Variants in TMEM132B observed in about 807,000 individuals in gnomAD.
TMEM132B encodes transmembrane protein 132B.
A neutral mutation model predicts 90.8 loss-of-function variants in TMEM132B; 18 were observed. The ratio of observed to expected loss-of-function variants is 0.20; its 90% CI spans 0.14 to 0.29. The LOEUF is 0.29. Ranked by LOEUF, TMEM132B falls within the 10% of genes least tolerant of loss-of-function variation. The pLI is 1.00. For synonymous variants in TMEM132B, 504 were observed against 523.3 expected, an observed-to-expected ratio of 0.96 and a Z score of 0.50; for missense variants, 1,096 against 1,326.8, an observed-to-expected ratio of 0.83 and a Z score of 2.70.
In TMEM132B at chr12:125,186,650, G is replaced by C. The variant is rs1356439251; in HGVS notation, c.-150G>C. ...CAGCCGAGGAAGCGCCGCCAGCGCC[G>C]GCGCATGCGTCTGGGGAGGAGCGGC... On this transcript the variant is annotated 5_prime_UTR_variant, in exon 1 of 9. Coordinates refer to ENST00000682704, the MANE Select transcript of TMEM132B (RefSeq NM_001366854.1). The surrounding 1 kb of genome is among the most constrained non-coding windows in gnomAD (Gnocchi z 6.3). Among the ~76,000 whole-genome samples, 15 of 146,710 alleles carry C rather than the reference G, an allele frequency of 1.0e-4. No individual in the cohort carries two copies. Among genetic ancestry groups the C allele is most frequent in the Admixed American group, 9.5e-4 (14 of 14,768 alleles).
intron 4 of TMEM132B, 86 bp downstream of exon 4, chr12:125,519,711 T>C (rs570726896): frequency 2.2e-6 from 3 of 1,346,550 alleles, no homozygotes; most frequent in South Asian, 2.5e-5. Flanking sequence ...ATTTTCCACA[T>C]ACCTGATACA....
Position 125,501,610 on chromosome 12 carries a change from G to T in TMEM132B, c.1107-17829G>T, listed in dbSNP as rs142886056. The stretch of plus-strand genomic sequence containing the variant: ...TGTTCTCATTGTTCAGCTCCCACTT[G>T]TAAGTGAGAACAGGACATCTCATAT... On this transcript the variant is annotated intron_variant, in intron 3 of 8. Transcript: ENST00000682704. Among the ~76,000 whole-genome samples, 98 of 152,012 alleles carry T rather than the reference G, an allele frequency of 6.4e-4. No individual in the cohort carries two copies. In the East Asian group the frequency reaches 0.013, roughly 21 times the overall value.
intron 4 of TMEM132B, among the ~76,000 whole-genome samples, chr12:125,521,990 C>T (rs1036627485): frequency 3.0e-4 from 45 of 152,162 alleles, no homozygotes; most frequent in African/African-American, 1.0e-3. Flanking sequence ...CATGATGTGA[C>T]TCCTGTGAAC....
chr12:125,425,478 T>G (rs1317111631), intron 3 of TMEM132B, among the ~76,000 whole-genome samples: 1 of 152,182 alleles, frequency 6.6e-6, no homozygotes, highest in Non-Finnish European at 1.5e-5. Context: ...AAGTCCACAC[T>G]ACATATTGGG....
At chr12:125,474,280 C>T (rs1187370583) in intron 3 of TMEM132B, among the ~76,000 whole-genome samples, 1 of 142,104 alleles carries the variant, frequency 7.0e-6, no homozygotes, top group East Asian at 2.0e-4. Flanking sequence ...CCCTCCCCTC[C>T]CCTCCCCTTC....
At chr12:125,521,129 C>T (rs116427582) in intron 4 of TMEM132B, among the ~76,000 whole-genome samples, 2,429 of 152,308 alleles carry the variant, frequency 0.016, 67 homozygotes, top group African/African-American at 0.056. Flanking sequence ...GTCCTTACCA[C>T]TTTGCTCTAT....
rs1317006095 is a variant in TMEM132B at position 125,613,135 on chromosome 12, TTATA to T, written c.1437+29146_1437+29149del. 1.8e-5 allele frequency among the ~76,000 whole-genome samples: 2 copies of T among 113,426 alleles called. 1 individual carries two copies. The highest frequency in any genetic ancestry group is 3.3e-5 in the Non-Finnish European group (2 of 60,024). The allele number at this position is 113,426 out of a possible 152,430, so 74.4% of individuals were successfully genotyped here. A position where few individuals can be genotyped will look rare whatever the true frequency, so the allele number is the denominator to read the frequency against. On this transcript the variant is annotated intron_variant, in intron 5 of 8. Transcript: ENST00000682704. ...AATATATATCATATATATTTATATATTATATATAAATATATATCATATATATTTA... is the reference window on the plus strand; with the variant it reads ...AATATATATCATATATATTTATATATTATAAATATATATCATATATATTTA...
At chr12:125,601,094 A>T (rs1032880325) in intron 5 of TMEM132B, among the ~76,000 whole-genome samples, 7 of 152,172 alleles carry the variant, frequency 4.6e-5, no homozygotes, top group Non-Finnish European at 1.0e-4. Flanking sequence ...CAGGACTTGA[A>T]CTCAGCTCTG....
rs1353487111 is a variant in TMEM132B at position 125,298,789 on chromosome 12, C to T, written c.68-50663C>T. On this transcript the variant is annotated intron_variant, in intron 1 of 8. Coordinates refer to ENST00000682704, the MANE Select transcript of TMEM132B (RefSeq NM_001366854.1). ...CTCTCTGTCACCCAGGCTGGAGTGC[C>T]GTGGCGCGATCTCGGCTCACTGCAA... Among the ~76,000 whole-genome samples, 10 of 149,608 alleles carry T rather than the reference C, an allele frequency of 6.7e-5. No homozygotes were observed. In the South Asian group the frequency reaches 1.3e-3, roughly 19 times the overall value.
At position 125,267,511 on chromosome 12, in the gene TMEM132B, A is replaced by G. The variant is rs533694629; in HGVS notation, c.67+80645A>G. Among the ~76,000 whole-genome samples, 100 of 152,296 alleles carry G rather than the reference A, an allele frequency of 6.6e-4. 1 individual carries two copies. Among genetic ancestry groups the G allele is most frequent in the African/African-American group, 2.3e-3 (96 of 41,568 alleles). On this transcript the variant is annotated intron_variant, in intron 1 of 8. Coordinates refer to ENST00000682704, the MANE Select transcript of TMEM132B (RefSeq NM_001366854.1). ...GAAGAAGGGGAGAAAGGAAACTAGA[A>G]TTAGCCATTTTCTGTCACATCCTCT...
chr12:125,187,203 C>G (rs1032803926), intron 1 of TMEM132B, among the ~76,000 whole-genome samples: 1 of 152,214 alleles, frequency 6.6e-6, no homozygotes, highest in African/African-American at 2.4e-5. Context: ...CCAAATCCCC[C>G]CCAGGTCCCA....
intron 1 of TMEM132B, among the ~76,000 whole-genome samples, chr12:125,203,596 G>A (rs1377563548): frequency 6.6e-6 from 1 of 152,110 alleles, no homozygotes; most frequent in African/African-American, 2.4e-5. Flanking sequence ...TTTTTCTAGA[G>A]TTAGTAGAAT....
At chr12:125,250,478 C>T (rs1325116756) in intron 1 of TMEM132B, among the ~76,000 whole-genome samples, 1 of 152,186 alleles carries the variant, frequency 6.6e-6, no homozygotes, top group South Asian at 2.1e-4. Context: ...TCACCCTCAT[C>T]GTGTCCCCTT....
chr12:125,586,219 T>C (rs1242711541), intron 5 of TMEM132B: 2 of 152,208 alleles, frequency 1.3e-5, no homozygotes, highest in Admixed American at 1.3e-4. Context: ...CCAAAGATCT[T>C]TGTGCCTTGG....
intron 1 of TMEM132B, among the ~76,000 whole-genome samples, chr12:125,345,924 G>A (rs1877346908): frequency 6.6e-6 from 1 of 152,184 alleles, no homozygotes; most frequent in Non-Finnish European, 1.5e-5. Flanking sequence ...TGACATTTTG[G>A]GATTAAAGGG....
At position 125,616,734 on chromosome 12, in the gene TMEM132B, C is replaced by A. The variant is rs150037147; in HGVS notation, c.1438-27342C>A. ...TTATGAACTTAATTTTGTGTTCCCCCACCCAATTCATGTGTTGCAGCCCTA... is the reference window on the plus strand; with the variant it reads ...TTATGAACTTAATTTTGTGTTCCCCAACCCAATTCATGTGTTGCAGCCCTA... On this transcript the variant is annotated intron_variant, in intron 5 of 8. Transcript: ENST00000682704. 2.0e-5 allele frequency among the ~76,000 whole-genome samples: 3 copies of A among 152,138 alleles called. No homozygotes were observed. The South Asian group carries it at 6.2e-4, about 31-fold the overall frequency.
At chr12:125,468,408 G>C (rs1881625702) in intron 3 of TMEM132B, among the ~76,000 whole-genome samples, 1 of 152,220 alleles carries the variant, frequency 6.6e-6, no homozygotes, top group Non-Finnish European at 1.5e-5. Context: ...AACAGATTTT[G>C]ACGTGTGGTA....
rs1887174713 is a variant in TMEM132B, at chr12:125,660,238, A to G, written c.*5528A>G. The G allele has an allele frequency of 6.6e-6, 1 of 152,254 alleles. No individual in the cohort carries two copies. The allele number at this position is 152,254 out of a possible 1,614,324, so 9.4% of individuals were successfully genotyped here. ...CACTCTGGCCTGGGCAACAAGAGCG[A>G]GACTTTGTCTCAAACAGAAACAAAA... On this transcript the variant is annotated 3_prime_UTR_variant, in exon 9 of 9. Coordinates refer to ENST00000682704, the MANE Select transcript of TMEM132B (RefSeq NM_001366854.1).
chr12:125,465,222 C>G (rs1217753050), intron 3 of TMEM132B, among the ~76,000 whole-genome samples: 3 of 152,152 alleles, frequency 2.0e-5, no homozygotes, highest in Non-Finnish European at 4.4e-5. Context: ...TGGGTTCATT[C>G]TTTTGTCCTC....
Sources: allele counts gnomAD v4.1 joint callset (sites outside exome capture counted in the v4.1 genomes callset), GRCh38; gene constraint gnomAD v4.1.1; non-coding constraint Gnocchi (gnomAD v3.1); transcripts MANE v1.5; gene names NCBI Gene and HGNC (gene_info 2026-07-23, HGNC 2026-07-21).